Variants in CLASP1 observed in about 807,000 individuals in gnomAD.
CLASP1 encodes CLIP-associating protein 1.
A neutral mutation model predicts 192.3 loss-of-function variants in CLASP1; 38 were observed. That is an observed-to-expected ratio of 0.20 (90% CI 0.15 to 0.26). CLASP1 has a LOEUF of 0.26. CLASP1 is among the 10% of genes least tolerant of loss of function. The probability of loss-of-function intolerance (pLI) is 1.00; values close to 1 mark genes in which losing one functional copy is unlikely to be tolerated. For missense variants in CLASP1, 1,433 were observed against 1,932.5 expected, an observed-to-expected ratio of 0.74 and a Z score of 4.85; for synonymous variants, 691 against 712.8, an observed-to-expected ratio of 0.97 and a Z score of 0.49.
chr2:121,469,670 T>G, intron 9 of CLASP1, 138 bp downstream of exon 9: 1 of 779,284 alleles, frequency 1.3e-6, no homozygotes. Flanking sequence ...GCTAATTCAA[T>G]TAAAGAATAG....
chr2:121,348,766 A>C (rs911573961), intron 37 of CLASP1, 48 bp from the exon 39 acceptor site: 3 of 1,461,056 alleles, frequency 2.1e-6, no homozygotes, highest in Non-Finnish European at 2.8e-6. Context: ...TGCCACATGA[A>C]GCGAAAGACC....
chr2:121,350,313 T>C (rs1356863335), intron 37 of CLASP1, among the ~76,000 whole-genome samples: 2 of 152,200 alleles, frequency 1.3e-5, no homozygotes. Context: ...ATGGATCATC[T>C]GGAAAGCTGC....
chr2:121,610,341 AGAGGAGCT>A, intron 1 of CLASP1, among the ~76,000 whole-genome samples: 1 of 133,512 alleles, frequency 7.5e-6, no homozygotes, highest in East Asian at 2.3e-4. Context: ...TATAGGAGGA[AGAGGAGCT>A]GGAGGAGGAG....
At chr2:121,536,368 A>G (rs1327033010) in intron 2 of CLASP1, among the ~76,000 whole-genome samples, 3 of 140,002 alleles carry the variant, frequency 2.1e-5, no homozygotes, top group South Asian at 4.7e-4. Flanking sequence ...GCGACAGAGC[A>G]AGACTGTCTG....
At chr2:121,374,557 G>A (rs1240254097) in intron 34 of CLASP1, among the ~76,000 whole-genome samples, 2 of 152,222 alleles carry the variant, frequency 1.3e-5, no homozygotes, top group South Asian at 2.1e-4. Flanking sequence ...TGGAAAAGCC[G>A]CAGGCACGCA....
chr2:121,379,579 T>TA (rs1462174295), intron 33 of CLASP1, among the ~76,000 whole-genome samples: 5 of 151,918 alleles, frequency 3.3e-5, no homozygotes, highest in Admixed American at 1.3e-4. Context: ...ATACAAGATG[T>TA]AAAAAAATGC....
At chr2:121,371,034 T>C (rs1162319234) in intron 34 of CLASP1, among the ~76,000 whole-genome samples, 1 of 152,062 alleles carries the variant, frequency 6.6e-6, no homozygotes, top group Non-Finnish European at 1.5e-5. Context: ...CAGTGTGATA[T>C]TACTCTTACA....
In CLASP1 at chr2:121,452,642, T is replaced by C. The variant is rs367879872; in HGVS notation, c.1386-793A>G. Among the ~76,000 whole-genome samples, 35 of 152,104 alleles carry C rather than the reference T, an allele frequency of 2.3e-4. No individual in the cohort carries two copies. The East Asian group carries it at 4.3e-3, about 19-fold the overall frequency. On this transcript the variant is annotated intron_variant, in intron 14 of 39. Coordinates refer to ENST00000263710, the Ensembl canonical transcript of CLASP1. Reference sequence around the variant, plus strand: ...CCCATCTCTACTAAAAATACAAAAATTAGCCAGGCATGGTGGCGGGCGCCT... The same window carrying C: ...CCCATCTCTACTAAAAATACAAAAACTAGCCAGGCATGGTGGCGGGCGCCT...
At chr2:121,468,167 C>T (rs2090008864) in intron 9 of CLASP1, among the ~76,000 whole-genome samples, 2 of 152,158 alleles carry the variant, frequency 1.3e-5, no homozygotes, top group African/African-American at 4.8e-5. Flanking sequence ...TCTTGTACTA[C>T]TACCACACTG....
intron 2 of CLASP1, among the ~76,000 whole-genome samples, chr2:121,581,400 G>T (rs1004078415): frequency 1.3e-5 from 2 of 148,786 alleles, no homozygotes; most frequent in Non-Finnish European, 3.0e-5. Flanking sequence ...TCAGCCTCCC[G>T]AGTAGCTGGG....
At chr2:121,377,104 C>T (rs2070433331) in intron 34 of CLASP1, among the ~76,000 whole-genome samples, 1 of 152,208 alleles carries the variant, frequency 6.6e-6, no homozygotes, top group South Asian at 2.1e-4. Context: ...CTATCTTCCA[C>T]AAAACCAGTT....
chr2:121,464,230 T>C (rs1435581588), intron 9 of CLASP1, among the ~76,000 whole-genome samples: 1 of 152,100 alleles, frequency 6.6e-6, no homozygotes, highest in Non-Finnish European at 1.5e-5. Flanking sequence ...CACATTTTCT[T>C]AATCCAGTCT....
At chr2:121,584,330 C>G (rs985897903) in intron 2 of CLASP1, among the ~76,000 whole-genome samples, 1 of 152,176 alleles carries the variant, frequency 6.6e-6, no homozygotes, top group African/African-American at 2.4e-5. Flanking sequence ...TCTCTATGAT[C>G]AGTTTTATGC....
chr2:121,388,896 A>C (rs1345502575), intron 30 of CLASP1, among the ~76,000 whole-genome samples: 2 of 152,234 alleles, frequency 1.3e-5, no homozygotes, highest in Non-Finnish European at 2.9e-5. Flanking sequence ...TTAAGATTGC[A>C]GTAATTATTC....
intron 39 of CLASP1, among the ~76,000 whole-genome samples, chr2:121,343,645 G>A (rs572736759): frequency 1.3e-5 from 2 of 152,306 alleles, no homozygotes; most frequent in South Asian, 2.1e-4. Flanking sequence ...GTAGAAAGGT[G>A]GATGCCAGGG....
intron 34 of CLASP1, among the ~76,000 whole-genome samples, chr2:121,374,638 T>C (rs534760098): frequency 6.6e-6 from 1 of 152,320 alleles, no homozygotes; most frequent in South Asian, 2.1e-4. Context: ...GCCCAAGGCC[T>C]TGGGAGCCTA....
At chr2:121,350,099 T>C (rs2064087173) in intron 37 of CLASP1, among the ~76,000 whole-genome samples, 1 of 152,228 alleles carries the variant, frequency 6.6e-6, no homozygotes. Flanking sequence ...TCTTACAAAG[T>C]ACAACAGAAC....
At chr2:121,393,722 A>G (rs1311999730) in intron 30 of CLASP1, among the ~76,000 whole-genome samples, 2 of 152,192 alleles carry the variant, frequency 1.3e-5, no homozygotes, top group African/African-American at 4.8e-5. Context: ...AAAAGGATTA[A>G]TCTGCAGTGC....
intron 1 of CLASP1, among the ~76,000 whole-genome samples, chr2:121,637,666 A>C (rs2071151183): frequency 6.6e-6 from 1 of 152,178 alleles, no homozygotes; most frequent in African/African-American, 2.4e-5. Context: ...CAGGTGGATC[A>C]CCCAAGGTGA....
Sources: gnomAD v4.1 joint callset for allele counts (sites outside exome capture counted in the v4.1 genomes callset) on GRCh38, gnomAD v4.1.1 for gene constraint, MANE v1.5 for transcripts, NCBI Gene and HGNC (gene_info 2026-07-23, HGNC 2026-07-21) for gene names.